ARHGAP31: variants seen among roughly 807,000 people sequenced by gnomAD.
ARHGAP31 encodes Rho GTPase activating protein 31.
Under a neutral mutation model 113.9 loss-of-function variants are expected in ARHGAP31, and 34 were observed. That is an observed-to-expected ratio of 0.30 (90% CI 0.23 to 0.40). ARHGAP31 has a LOEUF of 0.40. Among genes scored for constraint, ARHGAP31 ranks in the 10% least tolerant of loss-of-function variants. ARHGAP31 has a pLI of 1.00. For missense variants in ARHGAP31, 1,548 were observed against 1,767.1 expected, an observed-to-expected ratio of 0.88 and a Z score of 2.22; for synonymous variants, 650 against 684.8, an observed-to-expected ratio of 0.95 and a Z score of 0.79.
intron 6 of ARHGAP31, among the ~76,000 whole-genome samples, chr3:119,388,741 T>A (rs1016201744): frequency 2.6e-5 from 4 of 152,118 alleles, no homozygotes; most frequent in Admixed American, 2.0e-4. Flanking sequence ...ACCCCAGGCT[T>A]TAGCTTGGGC....
At chr3:119,327,912 A>G (rs2079860213) in intron 1 of ARHGAP31, among the ~76,000 whole-genome samples, 1 of 152,226 alleles carries the variant, frequency 6.6e-6, no homozygotes, top group Admixed American at 6.5e-5. Context: ...GGCAGGAGAA[A>G]CTGAAATAAT....
chr3:119,338,314 C>A (rs943601144), intron 1 of ARHGAP31, among the ~76,000 whole-genome samples: 1 of 152,140 alleles, frequency 6.6e-6, no homozygotes, highest in Non-Finnish European at 1.5e-5. Context: ...ACTAAGTGTT[C>A]ATTTAACAAT....
intron 1 of ARHGAP31, among the ~76,000 whole-genome samples, chr3:119,330,715 T>C (rs984909339): frequency 6.6e-6 from 1 of 152,222 alleles, no homozygotes; most frequent in African/African-American, 2.4e-5. Flanking sequence ...GAGCCTTCTA[T>C]GGTTCTGTGG....
intron 10 of ARHGAP31, among the ~76,000 whole-genome samples, chr3:119,408,720 C>G (rs926921125): frequency 2.0e-5 from 3 of 152,216 alleles, no homozygotes; most frequent in African/African-American, 7.2e-5. Context: ...TGGGTACTCA[C>G]TCAGTCTTTA....
chr3:119,331,567 G>A (rs1408407718), intron 1 of ARHGAP31, among the ~76,000 whole-genome samples: 1 of 152,124 alleles, frequency 6.6e-6, no homozygotes, highest in Non-Finnish European at 1.5e-5. Context: ...ATATTCATGA[G>A]TCCTTGACTA....
chr3:119,414,814 A>G lies in ARHGAP31; in HGVS notation c.2885A>G (p.Lys962Arg). Residue 962 changes from lysine (K) to arginine (R), a missense_variant, in exon 12 of 12, where the codon AAA (lysine) becomes AGA (arginine). Lys to Arg is a conservative substitution (Grantham distance 26). Transcript: ENST00000264245. ...SHSLDSKPTV[K>R]SQWTLEVPSS... The stretch of plus-strand genomic sequence containing the variant: ...TCTCTAGATAGCAAACCCACGGTTA[A>G]AAGCCAGTGGACTCTCGAGGTTCCC... The G allele has an allele frequency of 6.2e-7, 1 of 1,614,254 alleles. No individual in the cohort carries two copies. Among genetic ancestry groups the G allele is most frequent in the Non-Finnish European group, 8.5e-7 (1 of 1,180,040 alleles).
chr3:119,294,484 G>GC lies in ARHGAP31; in HGVS notation c.-416dup. 2.3e-6 allele frequency: 1 copy of GC among 436,594 alleles called. No homozygotes were observed. The highest frequency in any genetic ancestry group is 8.3e-5 in the South Asian group (1 of 12,058). The allele number at this position is 436,594 out of a possible 1,614,324, so 27.0% of individuals were successfully genotyped here. Reference sequence around the variant, plus strand: ...GGCCCAGGGCGCAGGACCCACCGCAGCCCCCTGGGCAGTCTCCTCGCCCCG... The same window carrying GC: ...GGCCCAGGGCGCAGGACCCACCGCAGCCCCCCTGGGCAGTCTCCTCGCCCCG... On this transcript the variant is annotated 5_prime_UTR_variant, in exon 1 of 12. Coordinates refer to ENST00000264245, the MANE Select transcript of ARHGAP31 (RefSeq NM_020754.4).
chr3:119,364,214 T>A (rs1480514069), intron 1 of ARHGAP31, among the ~76,000 whole-genome samples: 1 of 113,324 alleles, frequency 8.8e-6, no homozygotes, highest in Non-Finnish European at 1.7e-5. Flanking sequence ...CTGGTTTCAA[T>A]CCATGGTTGG....
intron 4 of ARHGAP31, among the ~76,000 whole-genome samples, chr3:119,381,735 C>T (rs1440265709): frequency 6.6e-6 from 1 of 152,162 alleles, no homozygotes. Flanking sequence ...TGCCTGTAAT[C>T]CCAGCACTTT....
At chr3:119,367,528 A>G (rs1048963770) in intron 2 of ARHGAP31, among the ~76,000 whole-genome samples, 1 of 152,150 alleles carries the variant, frequency 6.6e-6, no homozygotes, top group African/African-American at 2.4e-5. Context: ...AGGAGTCACC[A>G]TCAGGCAGCC....
intron 11 of ARHGAP31, among the ~76,000 whole-genome samples, chr3:119,413,313 T>C: frequency 7.4e-6 from 1 of 135,322 alleles, no homozygotes; most frequent in Non-Finnish European, 1.5e-5. Flanking sequence ...CGAGACTCTG[T>C]CTCAAAAAAA....
Position 119,414,025 on chromosome 3 carries a change from C to T in ARHGAP31, c.2096C>T (p.Pro699Leu). 3 of 1,614,160 alleles carry T rather than the reference C, an allele frequency of 1.9e-6. No homozygotes were observed. The highest frequency in any genetic ancestry group is 2.5e-6 in the Non-Finnish European group (3 of 1,180,022). The stretch of plus-strand genomic sequence containing the variant: ...GGGCCCTTTATTCCCTCAGAGCCTC[C>T]TGGGAGCTTGCCTTGTGGCTCCTTC... ...SLGPFIPSEP[P>L]GSLPCGSFPA... The change falls in exon 12 of 12, where the codon CCT (proline) becomes CTT (leucine). Residue 699 changes from proline (P) to leucine (L), a missense_variant. By Grantham distance (98) the Pro-to-Leu change is moderately conservative. Coordinates refer to ENST00000264245, the MANE Select transcript of ARHGAP31 (RefSeq NM_020754.4).
chr3:119,328,710 G>A (rs996599161), intron 1 of ARHGAP31, among the ~76,000 whole-genome samples: 4 of 151,662 alleles, frequency 2.6e-5, no homozygotes, highest in African/African-American at 9.7e-5. Context: ...GCGCGATCTT[G>A]GCTCACTGCA....
At chr3:119,363,608 G>C (rs766110067) in intron 1 of ARHGAP31, among the ~76,000 whole-genome samples, 1 of 152,162 alleles carries the variant, frequency 6.6e-6, no homozygotes, top group Admixed American at 6.5e-5. Context: ...ACAGTTACTT[G>C]AAGGCCACAA....
At chr3:119,358,123 T>A (rs1241700386) in intron 1 of ARHGAP31, among the ~76,000 whole-genome samples, 1 of 152,176 alleles carries the variant, frequency 6.6e-6, no homozygotes, top group Non-Finnish European at 1.5e-5. Context: ...ATCATAGGTC[T>A]AATAAGAGTC....
intron 2 of ARHGAP31, among the ~76,000 whole-genome samples, chr3:119,366,873 G>A (rs1304689875): frequency 6.6e-6 from 1 of 152,038 alleles, no homozygotes; most frequent in Admixed American, 6.6e-5. Context: ...AGGCCGAGAC[G>A]GGTGGATCAC....
At chr3:119,404,234 G>T (rs900083010) in intron 10 of ARHGAP31, among the ~76,000 whole-genome samples, 1 of 152,170 alleles carries the variant, frequency 6.6e-6, no homozygotes, top group Non-Finnish European at 1.5e-5. Flanking sequence ...AGGTCTCTGG[G>T]CCCCATGGGG....
rs755634742 is a variant in ARHGAP31 at position 119,415,857 on chromosome 3, C to T, written c.3928C>T (p.Arg1310Cys). ...TQDAVVQCRK[R>C]MSETEPSGDN... ...GGATGCAGTAGTGCAATGCAGAAAG[C>T]GCATGTCAGAGACAGAGCCATCTGG... Residue 1310 changes from arginine to cysteine, a missense_variant, in exon 12 of 12, where the codon CGC becomes TGC. Coordinates refer to ENST00000264245, the MANE Select transcript of ARHGAP31 (RefSeq NM_020754.4). 61 of 1,614,202 alleles carry T rather than the reference C, an allele frequency of 3.8e-5. No homozygotes were observed. The East Asian group carries it at 7.8e-4, about 21-fold the overall frequency.
intron 1 of ARHGAP31, 29 bp downstream of exon 1, chr3:119,295,033 C>T: frequency 6.2e-7 from 1 of 1,602,686 alleles, no homozygotes; most frequent in Non-Finnish European, 8.5e-7. Flanking sequence ...TCTCCCCCGC[C>T]CCCACCTTCT....
Sources: allele counts gnomAD v4.1 joint callset (sites outside exome capture counted in the v4.1 genomes callset), GRCh38; gene constraint gnomAD v4.1.1; transcripts MANE v1.5; gene names NCBI Gene and HGNC (gene_info 2026-07-23, HGNC 2026-07-21).